Variants in PRKCA observed in about 807,000 individuals in gnomAD.
PRKCA encodes protein kinase C alpha type.
PRKCA carries 27 observed loss-of-function variants against 87.0 expected under a neutral mutation model. The ratio of observed to expected loss-of-function variants is 0.31; its 90% confidence interval spans 0.23 to 0.43. The LOEUF (loss-of-function observed/expected upper bound fraction) is 0.43. Ranked by LOEUF, PRKCA falls within the 20% of genes least tolerant of loss-of-function variation. The pLI is 1.00. For synonymous variants in PRKCA, 329 were observed against 311.1 expected (o/e 1.06, Z -0.61); for missense variants, 518 against 852.3 (o/e 0.61, Z 4.88).
chr17:66,774,452 C>T lies in PRKCA; in HGVS notation c.1605+385C>T, dbSNP rs182211763. The T allele has an allele frequency of 9.0e-5, 73 of 808,950 alleles. No homozygotes were observed. The African/African-American group carries it at 1.1e-3, about 12-fold the overall frequency. The allele number at this position is 808,950 out of a possible 1,614,324, so 50.1% of individuals were successfully genotyped here. On this transcript the variant is annotated intron_variant, in intron 14 of 16. Coordinates refer to ENST00000413366, the MANE Select transcript of PRKCA (RefSeq NM_002737.3). ...CCTGGCCAACATGGCGAAACCCCAT[C>T]TCTACTAAAAATACAAAAATTAGCC...
In PRKCA at chr17:66,524,969, T is replaced by G. The variant is rs537777945; in HGVS notation, c.288+28686T>G. 1.4e-4 allele frequency among the ~76,000 whole-genome samples: 21 copies of G among 152,358 alleles called. No homozygotes were observed. The South Asian group carries it at 3.7e-3, about 27-fold the overall frequency. The stretch of plus-strand genomic sequence containing the variant: ...CCTCCCATCCTGGTTACATGTTCTC[T>G]TATAACGTGTCTTTGCCATGCTTTC... On this transcript the variant is annotated intron_variant, in intron 3 of 16. Coordinates refer to ENST00000413366, the MANE Select transcript of PRKCA (RefSeq NM_002737.3).
chr17:66,321,624 A>C (rs1270567652), intron 2 of PRKCA, among the ~76,000 whole-genome samples: 1 of 151,934 alleles, frequency 6.6e-6, no homozygotes, highest in African/African-American at 2.4e-5. Context: ...GCTCACTACA[A>C]CCTCTGCCTC....
At chr17:66,790,458 G>A (rs1236200662) in intron 16 of PRKCA, among the ~76,000 whole-genome samples, 3 of 152,216 alleles carry the variant, frequency 2.0e-5, no homozygotes, top group African/African-American at 7.2e-5. Context: ...ACCCGGTCTG[G>A]AGGTTTTTGG....
chr17:66,500,721 TG>T (rs1434572062), intron 3 of PRKCA, among the ~76,000 whole-genome samples: 4 of 152,208 alleles, frequency 2.6e-5, no homozygotes, highest in African/African-American at 9.6e-5. Context: ...TATTCCTTGG[TG>T]CATTTGTTGA....
At chr17:66,709,928 T>G (rs906293042) in intron 8 of PRKCA, among the ~76,000 whole-genome samples, 1 of 152,162 alleles carries the variant, frequency 6.6e-6, no homozygotes, top group Non-Finnish European at 1.5e-5. Context: ...TATTGAAAAA[T>G]GGCAATCTGT....
intron 13 of PRKCA, 77 bp downstream of exon 13, chr17:66,742,837 A>C (rs1974186248): frequency 6.6e-7 from 1 of 1,511,474 alleles, no homozygotes; most frequent in East Asian, 2.3e-5. Flanking sequence ...TTATAGGGTC[A>C]CTGGCGAATC....
At chr17:66,778,702 G>C (rs1054917248) in intron 14 of PRKCA, among the ~76,000 whole-genome samples, 1 of 151,896 alleles carries the variant, frequency 6.6e-6, no homozygotes, top group Non-Finnish European at 1.5e-5. Flanking sequence ...TGAGCTGGGC[G>C]TGGTGGCAAG....
intron 8 of PRKCA, among the ~76,000 whole-genome samples, chr17:66,694,416 G>A (rs536304551): frequency 3.4e-5 from 5 of 149,182 alleles, no homozygotes; most frequent in South Asian, 2.1e-4. Flanking sequence ...AGGAGGTGGA[G>A]GTTGCAGTGA....
At chr17:66,699,117 T>C (rs1488250702) in intron 8 of PRKCA, among the ~76,000 whole-genome samples, 1 of 151,318 alleles carries the variant, frequency 6.6e-6, no homozygotes, top group African/African-American at 2.4e-5. Flanking sequence ...GAGGATGGCT[T>C]GAGCTCAGGA....
chr17:66,644,744 T>G (rs1010116632), intron 4 of PRKCA, among the ~76,000 whole-genome samples: 1 of 152,100 alleles, frequency 6.6e-6, no homozygotes, highest in East Asian at 1.9e-4. Context: ...AAAGGAAAAT[T>G]TAATGAATTT....
At chr17:66,468,889 G>A (rs1598698582) in intron 2 of PRKCA, among the ~76,000 whole-genome samples, 1 of 152,248 alleles carries the variant, frequency 6.6e-6, no homozygotes, top group African/African-American at 2.4e-5. Context: ...TCCCCTGAAG[G>A]TTCTGCTTTG....
chr17:66,511,948 T>C (rs1917252399), intron 3 of PRKCA, among the ~76,000 whole-genome samples: 1 of 152,136 alleles, frequency 6.6e-6, no homozygotes, highest in Non-Finnish European at 1.5e-5. Flanking sequence ...TCCAAAGTGC[T>C]GGGATTACAG....
intron 2 of PRKCA, among the ~76,000 whole-genome samples, chr17:66,437,065 G>A (rs905493574): frequency 5.3e-5 from 8 of 152,160 alleles, no homozygotes; most frequent in Admixed American, 2.0e-4. Context: ...CAGAGCAAAC[G>A]AAGCCAGGAG....
intron 2 of PRKCA, among the ~76,000 whole-genome samples, chr17:66,490,329 A>T (rs1916184203): frequency 3.4e-5 from 5 of 148,956 alleles, no homozygotes; most frequent in Non-Finnish European, 5.9e-5. Flanking sequence ...CATCACTACC[A>T]TCCATTTCCA....
intron 3 of PRKCA, among the ~76,000 whole-genome samples, chr17:66,516,649 G>A (rs1804006828): frequency 6.6e-6 from 1 of 151,830 alleles, no homozygotes; most frequent in Non-Finnish European, 1.5e-5. Flanking sequence ...AAAAGAATAA[G>A]TTGCAGGACT....
intron 2 of PRKCA, among the ~76,000 whole-genome samples, chr17:66,430,892 C>T (rs1211980470): frequency 1.3e-5 from 2 of 152,160 alleles, no homozygotes; most frequent in Admixed American, 6.5e-5. Flanking sequence ...TCCAACCAAT[C>T]CTTTACCTTC....
At chr17:66,332,221 CCTTCCTTCT>C (rs1305602284) in intron 2 of PRKCA, among the ~76,000 whole-genome samples, 1 of 143,116 alleles carries the variant, frequency 7.0e-6, no homozygotes, top group African/African-American at 2.7e-5. Context: ...TTCCTTCCTT[CCTTCCTTCT>C]TTTTTTTTTT....
Position 66,460,733 on chromosome 17 carries a change from G to A in PRKCA, c.206-35468G>A, listed in dbSNP as rs554999235. Among the ~76,000 whole-genome samples the A allele has an allele frequency of 3.3e-5, 5 of 152,316 alleles. No individual in the cohort carries two copies. The South Asian group carries it at 8.3e-4, about 25-fold the overall frequency. ...TAGTGTCTCCTTTGCTGTGGAAGCAGAACTGCGTCCCCATTATTTGACAGG... is the reference window on the plus strand; with the variant it reads ...TAGTGTCTCCTTTGCTGTGGAAGCAAAACTGCGTCCCCATTATTTGACAGG... On this transcript the variant is annotated intron_variant, in intron 2 of 16. Coordinates refer to ENST00000413366, the MANE Select transcript of PRKCA (RefSeq NM_002737.3).
intron 3 of PRKCA, among the ~76,000 whole-genome samples, chr17:66,551,905 G>A (rs1968347231): frequency 6.6e-6 from 1 of 152,100 alleles, no homozygotes; most frequent in Non-Finnish European, 1.5e-5. Context: ...AAATGTGTAG[G>A]ATTTTGTTAT....
Sources: gnomAD v4.1 joint callset for allele counts (sites outside exome capture counted in the v4.1 genomes callset) on GRCh38, gnomAD v4.1.1 for gene constraint, MANE v1.5 for transcripts, NCBI Gene and HGNC (gene_info 2026-07-23, HGNC 2026-07-21) for gene names.